The following LNPK variants were observed in gnomAD, a reference collection of about 807,000 sequenced individuals.
LNPK encodes endoplasmic reticulum junction formation protein lunapark.
In LNPK, 29 loss-of-function variants were observed where a neutral mutation model predicts 55.2. That is an observed-to-expected ratio of 0.53 (90% CI 0.39 to 0.72). LNPK has a LOEUF of 0.72. Ranked by LOEUF, LNPK falls within the 30% of genes least tolerant of loss-of-function variation. The pLI is 0.00. For missense variants in LNPK, 467 were observed against 494.8 expected, an observed-to-expected ratio of 0.94 and a Z score of 0.53; for synonymous variants, 162 against 168.2, an observed-to-expected ratio of 0.96 and a Z score of 0.29.
chr2:175,939,017 CTTT>C (rs1684683383), intron 10 of LNPK, among the ~76,000 whole-genome samples: 1 of 152,076 alleles, frequency 6.6e-6, no homozygotes, highest in South Asian at 2.1e-4. Context: ...ATTCTCATTC[CTTT>C]TTTTAAATAA....
At position 175,991,762 on chromosome 2, in the gene LNPK, C is replaced by T. The variant is rs564968263; in HGVS notation, c.257+469G>A. Among the ~76,000 whole-genome samples, 7 of 152,218 alleles carry T rather than the reference C, an allele frequency of 4.6e-5. No homozygotes were observed. In the South Asian group the frequency reaches 1.0e-3, roughly 23 times the overall value. Reference sequence around the variant, plus strand: ...CAAAATTCTCAGTCATGATACGCCTCCTATACAGTGCTATATTATAAAATA... The same window carrying T: ...CAAAATTCTCAGTCATGATACGCCTTCTATACAGTGCTATATTATAAAATA... On this transcript the variant is annotated intron_variant, in intron 4 of 12. Coordinates refer to ENST00000272748, the MANE Select transcript of LNPK (RefSeq NM_030650.3).
chr2:175,958,906 C>T (rs1429534608), intron 8 of LNPK, among the ~76,000 whole-genome samples: 2 of 152,090 alleles, frequency 1.3e-5, no homozygotes, highest in African/African-American at 2.4e-5. Flanking sequence ...AACCATAGCA[C>T]GAGAACTACG....
At chr2:175,973,517 A>C (rs1686754898) in intron 5 of LNPK, among the ~76,000 whole-genome samples, 1 of 152,226 alleles carries the variant, frequency 6.6e-6, no homozygotes, top group African/African-American at 2.4e-5. Flanking sequence ...AGTTTTGTAC[A>C]ATTTGTACAA....
upstream of LNPK, chr2:176,002,290 T>C (rs922893710): frequency 2.3e-6 from 1 of 438,998 alleles, no homozygotes; most frequent in South Asian, 1.6e-5. Flanking sequence ...CTCCTTCCCA[T>C]GAAACCCCGC....
chr2:176,000,493 C>G (rs1688119940), intron 1 of LNPK, among the ~76,000 whole-genome samples: 1 of 152,170 alleles, frequency 6.6e-6, no homozygotes, highest in Admixed American at 6.5e-5. Flanking sequence ...ATAAAGAAAG[C>G]ACCTATTTCA....
chr2:175,986,042 C>T (rs144510701), intron 4 of LNPK, among the ~76,000 whole-genome samples: 67 of 151,924 alleles, frequency 4.4e-4, no homozygotes, highest in Non-Finnish European at 6.0e-4. Context: ...GTGTTTCTAA[C>T]GAAGATATAA....
rs185117325 is a variant in LNPK at position 175,930,397 on chromosome 2, T to C, written c.1055-198A>G. ...ATAACTCTCTTTACAGTTAGTATGA[T>C]AGAAGAAAAAAAAAGTAATTCAGAG... On this transcript the variant is annotated intron_variant, in intron 12 of 12. Transcript: ENST00000272748. Among the ~76,000 whole-genome samples, 194 of 151,344 alleles carry C rather than the reference T, an allele frequency of 1.3e-3. 1 individual carries two copies. Among genetic ancestry groups the C allele is most frequent in the Non-Finnish European group, 2.4e-3 (160 of 67,832 alleles).
In LNPK at chr2:175,924,698, A is replaced by AC. The variant is rs201496859; in HGVS notation, c.*5268_*5269insG. On this transcript the variant is annotated 3_prime_UTR_variant, in exon 13 of 13. Transcript: ENST00000272748. The stretch of plus-strand genomic sequence containing the variant: ...ACTGAAAAAAAAACAAAACAAACAA[A>AC]AAAAAAAAACAAAGAAGAAGTTTAT... 11,255 of 151,320 alleles carry AC rather than the reference A, an allele frequency of 0.074. 446 individuals are homozygous for AC. Among genetic ancestry groups the AC allele is most frequent in the Admixed American group, 0.12 (1,887 of 15,140 alleles). 9.4% of individuals were successfully genotyped at this position (151,320 alleles called of 1,614,324 possible).
chr2:175,940,750 A>G (rs748795260), intron 9 of LNPK, among the ~76,000 whole-genome samples: 8 of 152,202 alleles, frequency 5.3e-5, no homozygotes, highest in Admixed American at 1.3e-4. Context: ...TCTTATGACT[A>G]TGACTATATT....
chr2:175,991,057 T>C (rs775390106), intron 4 of LNPK, among the ~76,000 whole-genome samples: 17 of 152,192 alleles, frequency 1.1e-4, no homozygotes, highest in South Asian at 2.1e-4. Flanking sequence ...ACCTAGATCA[T>C]AGTTTTTGGA....
intron 8 of LNPK, among the ~76,000 whole-genome samples, chr2:175,960,237 C>A (rs966877157): frequency 4.6e-5 from 7 of 152,140 alleles, no homozygotes; most frequent in African/African-American, 7.2e-5. Flanking sequence ...ACTCTCCACC[C>A]CAAATCAACA....
chr2:175,925,022 C>T lies in LNPK; in HGVS notation c.*4945G>A, dbSNP rs1683947013. On this transcript the variant is annotated 3_prime_UTR_variant, in exon 13 of 13. Transcript: ENST00000272748. ...ACCTCCAGCAATGGGGATCAAATTTCAACATGAGATTTGCAGGGGTCAAAC... is the reference window on the plus strand; with the variant it reads ...ACCTCCAGCAATGGGGATCAAATTTTAACATGAGATTTGCAGGGGTCAAAC... 1 of 152,158 alleles carries T rather than the reference C, an allele frequency of 6.6e-6. No homozygotes were observed. The highest frequency in any genetic ancestry group is 2.1e-4 in the South Asian group (1 of 4,820). The allele number at this position is 152,158 out of a possible 1,614,324, so 9.4% of individuals were successfully genotyped here.
At chr2:175,944,279 T>C (rs1685009493) in intron 9 of LNPK, among the ~76,000 whole-genome samples, 2 of 151,938 alleles carry the variant, frequency 1.3e-5, no homozygotes, top group South Asian at 4.1e-4. Flanking sequence ...ATGACATAAA[T>C]AAGTGAAGAG....
upstream of LNPK, chr2:176,002,367 C>G: frequency 2.7e-6 from 1 of 373,008 alleles, no homozygotes. Context: ...TGACCGTACC[C>G]TGGGCGGGTA....
intron 5 of LNPK, among the ~76,000 whole-genome samples, chr2:175,974,084 T>C (rs938878401): frequency 1.3e-4 from 20 of 152,186 alleles, no homozygotes; most frequent in Middle Eastern, 3.2e-3. Context: ...TTTATGACCA[T>C]TGCTTTCTGT....
chr2:175,938,807 T>C (rs1253920633), intron 10 of LNPK: 1 of 152,758 alleles, frequency 6.5e-6, no homozygotes, highest in African/African-American at 2.4e-5. Context: ...TGAGATGTCT[T>C]GCGGCAAACA....
intron 1 of LNPK, among the ~76,000 whole-genome samples, chr2:175,996,631 A>G (rs376721500): frequency 5.3e-5 from 8 of 152,324 alleles, no homozygotes; most frequent in African/African-American, 1.9e-4. Flanking sequence ...AATATGGCCT[A>G]GAGTCCCTTT....
chr2:175,966,115 G>A (rs532777637), intron 6 of LNPK, among the ~76,000 whole-genome samples: 6 of 152,240 alleles, frequency 3.9e-5, no homozygotes, highest in Admixed American at 6.5e-5. Flanking sequence ...CTGTCACCCA[G>A]GCTGGAGTGA....
intron 9 of LNPK, among the ~76,000 whole-genome samples, chr2:175,945,151 C>T (rs1406165902): frequency 4.0e-5 from 6 of 151,396 alleles, no homozygotes; most frequent in African/African-American, 2.4e-5. Flanking sequence ...TGCCCATCTC[C>T]GCCTCCCAAA....
Sources: allele counts gnomAD v4.1 joint callset (sites outside exome capture counted in the v4.1 genomes callset), GRCh38; gene constraint gnomAD v4.1.1; transcripts MANE v1.5; gene names NCBI Gene and HGNC (gene_info 2026-07-23, HGNC 2026-07-21).